The following TYR variants were observed in gnomAD, a reference collection of about 807,000 sequenced individuals.
The protein encoded by TYR is LB24-AB.
TYR carries 58 observed loss-of-function variants against 51.5 expected under a neutral mutation model. The observed-to-expected ratio is 1.13, with a 90% confidence interval of 0.91 to 1.40. The LOEUF is 1.40. TYR is among the 40% of genes most tolerant of loss of function. TYR has a pLI of 0.00. For synonymous variants in TYR, 263 were observed against 235.2 expected, an observed-to-expected ratio of 1.12 and a Z score of -1.08; for missense variants, 732 against 647.4, an observed-to-expected ratio of 1.13 and a Z score of -1.42.
chr11:89,272,638 T>G (rs1283483709), intron 3 of TYR, among the ~76,000 whole-genome samples: 1 of 151,942 alleles, frequency 6.6e-6, no homozygotes, highest in African/African-American at 2.4e-5. Flanking sequence ...CTTTGAAGCT[T>G]TAAAGCCAGG....
intron 2 of TYR, among the ~76,000 whole-genome samples, chr11:89,215,823 C>T (rs573003375): frequency 6.6e-6 from 1 of 152,142 alleles, no homozygotes; most frequent in South Asian, 2.1e-4. Context: ...AGACGCAAGA[C>T]CCTCCATAAG....
At chr11:89,228,907 C>A (rs1369102167) in intron 3 of TYR, among the ~76,000 whole-genome samples, 1 of 151,820 alleles carries the variant, frequency 6.6e-6, no homozygotes, top group East Asian at 1.9e-4. Context: ...AGCATCAAAT[C>A]ATGACTGACA....
intron 3 of TYR, chr11:89,283,819 G>A (rs570694857): frequency 6.6e-6 from 1 of 151,540 alleles, no homozygotes; most frequent in Non-Finnish European, 1.5e-5. Context: ...TAATTTTTTA[G>A]TTTTTTTCCA....
intron 4 of TYR, among the ~76,000 whole-genome samples, chr11:89,288,453 T>C (rs1175237563): frequency 6.6e-6 from 1 of 151,984 alleles, no homozygotes; most frequent in African/African-American, 2.4e-5. Context: ...CAATGGATAC[T>C]TTTTACTACA....
At chr11:89,191,139 C>A in intron 1 of TYR, 63 bp from the exon 2 acceptor site, 1 of 1,457,206 alleles carries the variant, frequency 6.9e-7, no homozygotes, top group Non-Finnish European at 9.6e-7. Flanking sequence ...TCCAACATTT[C>A]TGCCTTCTCC....
chr11:89,198,236 AG>A (rs1161384857), intron 2 of TYR, among the ~76,000 whole-genome samples: 2 of 152,258 alleles, frequency 1.3e-5, no homozygotes, highest in African/African-American at 2.4e-5. Flanking sequence ...ACAAAAAAAA[AG>A]GTCACACAGA....
At chr11:89,215,073 A>G (rs1943814365) in intron 2 of TYR, among the ~76,000 whole-genome samples, 1 of 152,206 alleles carries the variant, frequency 6.6e-6, no homozygotes, top group South Asian at 2.1e-4. Context: ...GGAACTTGCT[A>G]TTAAAATATT....
chr11:89,196,274 T>A (rs549064869), intron 2 of TYR, among the ~76,000 whole-genome samples: 3 of 152,106 alleles, frequency 2.0e-5, no homozygotes, highest in Admixed American at 6.6e-5. Flanking sequence ...CTACATTTAG[T>A]GGAAAAATAA....
At chr11:89,285,326 A>G (rs1020574300) in intron 4 of TYR, among the ~76,000 whole-genome samples, 12 of 151,800 alleles carry the variant, frequency 7.9e-5, no homozygotes, top group Non-Finnish European at 1.5e-4. Flanking sequence ...ACCAGAACAC[A>G]TTAAAGAATT....
chr11:89,257,900 A>G (rs1944412898), intron 3 of TYR, among the ~76,000 whole-genome samples: 1 of 152,060 alleles, frequency 6.6e-6, no homozygotes, highest in Non-Finnish European at 1.5e-5. Flanking sequence ...AATTCCTCAA[A>G]GAAGGCCTTG....
chr11:89,229,079 CTG>C (rs1269719731), intron 3 of TYR, among the ~76,000 whole-genome samples: 2 of 151,970 alleles, frequency 1.3e-5, no homozygotes, highest in African/African-American at 2.4e-5. Flanking sequence ...GAAACTGAAA[CTG>C]AGAATTAAAG....
At chr11:89,282,619 C>A (rs868294797) in intron 3 of TYR, among the ~76,000 whole-genome samples, 112 of 151,752 alleles carry the variant, frequency 7.4e-4, no homozygotes, top group African/African-American at 2.6e-3. Flanking sequence ...AAAGTTAAAA[C>A]AAAAGGACTA....
At chr11:89,263,279 A>G (rs1462155190) in intron 3 of TYR, among the ~76,000 whole-genome samples, 2 of 152,040 alleles carry the variant, frequency 1.3e-5, no homozygotes, top group African/African-American at 4.8e-5. Context: ...CAATAGGTGC[A>G]GAAAAAGATA....
intron 3 of TYR, among the ~76,000 whole-genome samples, chr11:89,242,867 T>C (rs1944217415): frequency 6.6e-6 from 1 of 151,846 alleles, no homozygotes; most frequent in African/African-American, 2.4e-5. Flanking sequence ...CTATAAAGAG[T>C]AGGGAGCATA....
At chr11:89,188,712 G>A (rs868254467) in intron 1 of TYR, among the ~76,000 whole-genome samples, 1 of 152,030 alleles carries the variant, frequency 6.6e-6, no homozygotes, top group Non-Finnish European at 1.5e-5. Context: ...TAGATGTTTA[G>A]TGTAGATTTC....
intron 1 of TYR, among the ~76,000 whole-genome samples, chr11:89,186,965 A>G (rs919498415): frequency 7.9e-5 from 12 of 152,164 alleles, no homozygotes; most frequent in Admixed American, 6.6e-5. Flanking sequence ...GAGAGGCCTC[A>G]GCAGATACCT....
At chr11:89,240,023 G>C (rs1161454856) in intron 3 of TYR, among the ~76,000 whole-genome samples, 1 of 152,158 alleles carries the variant, frequency 6.6e-6, no homozygotes, top group Admixed American at 6.6e-5. Context: ...CTGTTAGAAT[G>C]TTCTGTATAC....
chr11:89,272,011 C>T (rs563825468), intron 3 of TYR, among the ~76,000 whole-genome samples: 1 of 151,858 alleles, frequency 6.6e-6, no homozygotes, highest in Non-Finnish European at 1.5e-5. Context: ...TCTGCAGTAA[C>T]TTTCTCCACT....
chr11:89,181,882 G>A (rs1591136490), intron 1 of TYR, among the ~76,000 whole-genome samples: 2 of 152,082 alleles, frequency 1.3e-5, no homozygotes, highest in Admixed American at 6.6e-5. Context: ...CAAGTAACCC[G>A]CTAATTTCTG....
Sources: gnomAD v4.1 joint callset for allele counts (sites outside exome capture counted in the v4.1 genomes callset) on GRCh38, gnomAD v4.1.1 for gene constraint, MANE v1.5 for transcripts, NCBI Gene and HGNC (gene_info 2026-07-23, HGNC 2026-07-21) for gene names.